KIF16B: variants seen among roughly 807,000 people sequenced by gnomAD.
The protein encoded by KIF16B is kinesin-like protein KIF16B.
A neutral mutation model predicts 156.3 loss-of-function variants in KIF16B; 98 were observed. That is an observed-to-expected ratio of 0.63 (90% confidence interval 0.53 to 0.74). KIF16B has a LOEUF of 0.74. KIF16B is among the 30% of genes least tolerant of loss of function. KIF16B has a pLI of 0.00. For synonymous variants in KIF16B, 564 were observed against 583.7 expected, an observed-to-expected ratio of 0.97 and a Z score of 0.49; for missense variants, 1,421 against 1,606.5, an observed-to-expected ratio of 0.88 and a Z score of 1.97.
chr20:16,368,046 T>C (rs929419586), intron 22 of KIF16B: 147 of 1,390,444 alleles, frequency 1.1e-4, no homozygotes, highest in Non-Finnish European at 1.4e-4. Context: ...GAGGGTCAGG[T>C]GCTGTGCAGG....
intron 17 of KIF16B, among the ~76,000 whole-genome samples, chr20:16,393,976 T>A (rs989557302): frequency 6.6e-6 from 1 of 152,232 alleles, no homozygotes; most frequent in Non-Finnish European, 1.5e-5. Flanking sequence ...CAACATGTTC[T>A]AATCAAATGA....
chr20:16,418,017 C>G (rs549764544), intron 15 of KIF16B, among the ~76,000 whole-genome samples: 4 of 151,738 alleles, frequency 2.6e-5, no homozygotes, highest in African/African-American at 9.7e-5. Context: ...AGGAAGACAA[C>G]AGCCTATGAA....
At chr20:16,400,980 G>A (rs1228346727) in intron 17 of KIF16B, among the ~76,000 whole-genome samples, 34 of 152,234 alleles carry the variant, frequency 2.2e-4, no homozygotes, top group Non-Finnish European at 2.9e-5. Context: ...GGGGAAGAAT[G>A]TTAACTGAAG....
intron 24 of KIF16B, among the ~76,000 whole-genome samples, chr20:16,329,436 G>T (rs1267642387): frequency 6.6e-6 from 1 of 152,156 alleles, no homozygotes; most frequent in African/African-American, 2.4e-5. Context: ...GATTTTAATA[G>T]AGTCAAAAAT....
chr20:16,304,984 T>C (rs1321956578), intron 25 of KIF16B, among the ~76,000 whole-genome samples: 3 of 152,114 alleles, frequency 2.0e-5, no homozygotes, highest in African/African-American at 7.2e-5. Flanking sequence ...GTGGTGGTGA[T>C]ATATCAATAC....
intron 25 of KIF16B, among the ~76,000 whole-genome samples, chr20:16,281,562 T>C (rs1249349135): frequency 1.3e-5 from 2 of 152,202 alleles, no homozygotes; most frequent in African/African-American, 2.4e-5. Context: ...TAAATACCTC[T>C]TGTTGGCTTT....
intron 15 of KIF16B, among the ~76,000 whole-genome samples, chr20:16,419,491 C>G (rs2066171929): frequency 1.3e-5 from 2 of 152,136 alleles, no homozygotes; most frequent in African/African-American, 4.8e-5. Flanking sequence ...TCCTCAGCTC[C>G]ACTCTGCAGA....
rs758751370 is a variant in KIF16B, at chr20:16,428,071, T to C, written c.1475-830A>G. On this transcript the variant is annotated intron_variant, in intron 14 of 25. Coordinates refer to ENST00000354981, the MANE Select transcript of KIF16B (RefSeq NM_024704.5). ...AAGATCAAACACATAATTTAACAAT[T>C]AGAAGAAGAGGCCTGATGCCTACTT... 3.3e-5 allele frequency among the ~76,000 whole-genome samples: 5 copies of C among 152,062 alleles called. No individual in the cohort carries two copies. In the South Asian group the frequency reaches 6.2e-4, roughly 19 times the overall value.
chr20:16,521,109 C>G (rs1245935545), intron 3 of KIF16B, among the ~76,000 whole-genome samples: 1 of 152,056 alleles, frequency 6.6e-6, no homozygotes, highest in East Asian at 1.9e-4. Flanking sequence ...AACGACTCCT[C>G]TCCTCCAAAG....
At chr20:16,344,841 TA>T (rs1161864900) in intron 23 of KIF16B, among the ~76,000 whole-genome samples, 2 of 152,264 alleles carry the variant, frequency 1.3e-5, no homozygotes, top group African/African-American at 4.8e-5. Flanking sequence ...TAGAGTCACC[TA>T]AGATCAACTC....
chr20:16,353,566 T>A (rs2064380524), intron 23 of KIF16B, among the ~76,000 whole-genome samples: 1 of 151,874 alleles, frequency 6.6e-6, no homozygotes, highest in African/African-American at 2.4e-5. Flanking sequence ...CCACTCCTCA[T>A]ACCAACCCAA....
chr20:16,557,283 C>A lies in KIF16B; in HGVS notation c.47+15946G>T, dbSNP rs559570303. Reference sequence around the variant, plus strand: ...GCAACCTCCGCCTCCCAGGTTCATGCGACTCTCCTGCCTCAGTCTCCAACT... The same window carrying A: ...GCAACCTCCGCCTCCCAGGTTCATGAGACTCTCCTGCCTCAGTCTCCAACT... On this transcript the variant is annotated intron_variant, in intron 1 of 25. Transcript: ENST00000354981. 3.3e-5 allele frequency among the ~76,000 whole-genome samples: 5 copies of A among 152,046 alleles called. No individual in the cohort carries two copies. The East Asian group carries it at 7.8e-4, about 24-fold the overall frequency.
intron 3 of KIF16B, among the ~76,000 whole-genome samples, chr20:16,520,368 C>G (rs2069301413): frequency 6.6e-6 from 1 of 152,094 alleles, no homozygotes; most frequent in Non-Finnish European, 1.5e-5. Flanking sequence ...ATTACTGAGA[C>G]TCGAGTGGGT....
chr20:16,283,427 C>T (rs76016743), intron 25 of KIF16B, among the ~76,000 whole-genome samples: 5,831 of 151,860 alleles, frequency 0.038, 164 homozygotes, highest in Non-Finnish European at 0.062. Flanking sequence ...GACTCTACTG[C>T]TTGGTGACTG....
chr20:16,438,870 T>C (rs1242357411), intron 12 of KIF16B, among the ~76,000 whole-genome samples: 1 of 152,180 alleles, frequency 6.6e-6, no homozygotes, highest in Non-Finnish European at 1.5e-5. Context: ...TGATTAGTAA[T>C]ATGTAATCCT....
intron 23 of KIF16B, among the ~76,000 whole-genome samples, chr20:16,350,779 C>T (rs936359764): frequency 7.9e-5 from 12 of 151,780 alleles, no homozygotes; most frequent in South Asian, 4.2e-4. Flanking sequence ...CAGTCATCAC[C>T]GAAGCGCCAG....
chr20:16,369,076 C>G, intron 22 of KIF16B: 2 of 985,804 alleles, frequency 2.0e-6, no homozygotes, highest in Non-Finnish European at 2.4e-6. Flanking sequence ...GGACTGATCC[C>G]TCTGCTGGTG....
At chr20:16,541,858 T>A (rs1175381680) in intron 1 of KIF16B, among the ~76,000 whole-genome samples, 3 of 152,192 alleles carry the variant, frequency 2.0e-5, no homozygotes, top group African/African-American at 7.2e-5. Context: ...TGCCACAGGT[T>A]GGGCACAGAT....
intron 23 of KIF16B, among the ~76,000 whole-genome samples, chr20:16,350,445 G>A (rs1209418749): frequency 6.6e-6 from 1 of 152,118 alleles, no homozygotes; most frequent in African/African-American, 2.4e-5. Flanking sequence ...GGAAAGCCAA[G>A]ACAAAACAGA....
Sources: allele counts gnomAD v4.1 joint callset (sites outside exome capture counted in the v4.1 genomes callset), GRCh38; gene constraint gnomAD v4.1.1; transcripts MANE v1.5; gene names NCBI Gene and HGNC (gene_info 2026-07-23, HGNC 2026-07-21).